SDK1: variants seen among roughly 807,000 people sequenced by gnomAD.
SDK1 encodes sidekick cell adhesion molecule 1.
In SDK1, 157 loss-of-function variants were observed where a neutral mutation model predicts 245.5. The ratio of observed to expected loss-of-function variants is 0.64; its 90% CI spans 0.56 to 0.73. The LOEUF is 0.73. Among genes scored for constraint, SDK1 ranks in the 30% least tolerant of loss-of-function variants. SDK1 has a pLI of 0.00. For synonymous variants in SDK1, 1,647 were observed against 1,278.5 expected (o/e 1.29, Z -6.15); for missense variants, 3,583 against 3,002.3 (o/e 1.19, Z -4.52).
intron 4 of SDK1, among the ~76,000 whole-genome samples, chr7:3,642,508 G>A (rs1015783038): frequency 6.6e-5 from 10 of 151,946 alleles, no homozygotes; most frequent in Non-Finnish European, 1.0e-4. Context: ...CTTTTATTGA[G>A]CCATGTTTGA....
intron 5 of SDK1, among the ~76,000 whole-genome samples, chr7:3,926,989 T>G (rs535352488): frequency 2.0e-5 from 3 of 152,216 alleles, no homozygotes; most frequent in Non-Finnish European, 4.4e-5. Flanking sequence ...AGGGCTTAAC[T>G]TGGGGGCCCG....
chr7:3,567,482 A>G (rs1399033672), intron 1 of SDK1, among the ~76,000 whole-genome samples: 1 of 152,190 alleles, frequency 6.6e-6, no homozygotes, highest in South Asian at 2.1e-4. Context: ...TGACGTTTAG[A>G]CTAAGTGGTC....
intron 41 of SDK1, among the ~76,000 whole-genome samples, chr7:4,233,921 G>A (rs1785973923): frequency 6.6e-6 from 1 of 152,214 alleles, no homozygotes; most frequent in South Asian, 2.1e-4. Context: ...TTAAAAATCA[G>A]AGACACATGG....
At chr7:3,437,503 G>C (rs1008291926) in intron 1 of SDK1, among the ~76,000 whole-genome samples, 1 of 152,122 alleles carries the variant, frequency 6.6e-6, no homozygotes, top group Admixed American at 6.5e-5. Context: ...TGGGTGCAGT[G>C]GCTCACACTT....
chr7:3,665,332 G>C (rs1783492689), intron 4 of SDK1, among the ~76,000 whole-genome samples: 1 of 152,200 alleles, frequency 6.6e-6, no homozygotes, highest in South Asian at 2.1e-4. Context: ...AGATTCTGCA[G>C]GTTGTTAACA....
intron 4 of SDK1, among the ~76,000 whole-genome samples, chr7:3,702,136 A>T (rs976059247): frequency 6.6e-6 from 1 of 152,156 alleles, no homozygotes; most frequent in Non-Finnish European, 1.5e-5. Context: ...AAAATTCAAT[A>T]AGTTGGAATT....
At chr7:4,234,292 C>A (rs1786004335) in intron 41 of SDK1, among the ~76,000 whole-genome samples, 1 of 152,172 alleles carries the variant, frequency 6.6e-6, no homozygotes, top group Non-Finnish European at 1.5e-5. Context: ...ACCGCAGGCT[C>A]CAGAGGCCAC....
At chr7:3,703,477 C>T (rs1190851971) in intron 4 of SDK1, among the ~76,000 whole-genome samples, 1 of 152,142 alleles carries the variant, frequency 6.6e-6, no homozygotes, top group Non-Finnish European at 1.5e-5. Context: ...TTAGATGTGT[C>T]TATTAGAGTA....
chr7:3,797,805 C>G (rs556628237), intron 4 of SDK1, among the ~76,000 whole-genome samples: 9 of 152,234 alleles, frequency 5.9e-5, no homozygotes, highest in African/African-American at 1.9e-4. Context: ...CTGTTGATTT[C>G]TAGCTCTTCC....
chr7:3,413,064 G>A (rs961036274), intron 1 of SDK1, among the ~76,000 whole-genome samples: 10 of 152,164 alleles, frequency 6.6e-5, no homozygotes, highest in African/African-American at 2.2e-4. Flanking sequence ...AACTTGGCAG[G>A]GGGCAGGCTA....
intron 4 of SDK1, among the ~76,000 whole-genome samples, chr7:3,709,253 C>T (rs1043353005): frequency 2.6e-5 from 4 of 152,210 alleles, no homozygotes; most frequent in African/African-American, 7.2e-5. Context: ...GTTTAAGGAG[C>T]CTCAAGATAG....
chr7:3,457,023 C>G (rs144014173), intron 1 of SDK1, among the ~76,000 whole-genome samples: 1 of 152,186 alleles, frequency 6.6e-6, no homozygotes, highest in Non-Finnish European at 1.5e-5. Flanking sequence ...GGTGCTTCCG[C>G]AGTCCTGGCT....
intron 5 of SDK1, among the ~76,000 whole-genome samples, chr7:3,899,218 A>G (rs897497171): frequency 7.9e-5 from 12 of 152,324 alleles, no homozygotes; most frequent in African/African-American, 2.6e-4. Context: ...TCTTCTTAAT[A>G]TATGAGTATG....
intron 5 of SDK1, among the ~76,000 whole-genome samples, chr7:3,936,374 G>T (rs1780159401): frequency 6.6e-6 from 1 of 152,106 alleles, no homozygotes; most frequent in Non-Finnish European, 1.5e-5. Flanking sequence ...AAGGTCAGGA[G>T]ATCGAGAACA....
chr7:3,709,029 A>T (rs570809865), intron 4 of SDK1, among the ~76,000 whole-genome samples: 1 of 152,334 alleles, frequency 6.6e-6, no homozygotes, highest in South Asian at 2.1e-4. Context: ...ATTGTTTTAT[A>T]GGCCCTGTGG....
At chr7:4,122,926 T>C (rs1482814502) in intron 25 of SDK1, among the ~76,000 whole-genome samples, 6 of 152,228 alleles carry the variant, frequency 3.9e-5, no homozygotes, top group Admixed American at 1.3e-4. Flanking sequence ...ATTTCCATCC[T>C]GAACTCTGCC....
chr7:4,170,096 C>T (rs148315401), intron 32 of SDK1, among the ~76,000 whole-genome samples: 7 of 152,208 alleles, frequency 4.6e-5, no homozygotes, highest in African/African-American at 1.7e-4. Context: ...TTAAGTAAAC[C>T]TTCTATTTCA....
At chr7:3,652,511 A>G (rs1783041182) in intron 4 of SDK1, among the ~76,000 whole-genome samples, 1 of 152,224 alleles carries the variant, frequency 6.6e-6, no homozygotes, top group Non-Finnish European at 1.5e-5. Flanking sequence ...TGGTTTGGTA[A>G]ACGTGCTTGT....
chr7:3,680,224 T>A (rs944233280), intron 4 of SDK1, among the ~76,000 whole-genome samples: 12 of 152,196 alleles, frequency 7.9e-5, no homozygotes, highest in Admixed American at 3.9e-4. Context: ...AGTCCATTTA[T>A]ATTGCATTCT....
Sources: gnomAD v4.1 joint callset for allele counts (sites outside exome capture counted in the v4.1 genomes callset) on GRCh38, gnomAD v4.1.1 for gene constraint, MANE v1.5 for transcripts, NCBI Gene and HGNC (gene_info 2026-07-23, HGNC 2026-07-21) for gene names.